The following PDIA3 variants were observed in gnomAD, a reference collection of about 807,000 sequenced individuals.
PDIA3 encodes protein disulfide isomerase family A member 3, also known as protein disulfide-isomerase A3.
Under a neutral mutation model 56.9 loss-of-function variants are expected in PDIA3, and 16 were observed. The observed-to-expected ratio is 0.28, with a 90% CI of 0.19 to 0.43. The LOEUF (loss-of-function observed/expected upper bound fraction) is 0.43, where lower values mean the gene tolerates loss of function less well. Ranked by LOEUF, PDIA3 falls within the 20% of genes least tolerant of loss-of-function variation. The pLI is 1.00. For synonymous variants in PDIA3, 192 were observed against 216.5 expected (o/e 0.89, Z 0.99); for missense variants, 485 against 621.3 (o/e 0.78, Z 2.33).
At chr15:43,770,608 A>G in intron 12 of PDIA3, 28 bp downstream of exon 12, 1 of 1,401,754 alleles carries the variant, frequency 7.1e-7, no homozygotes, top group Non-Finnish European at 1.0e-6. Flanking sequence ...TATCCCCACA[A>G]ATATATACAC....
At chr15:43,767,215 G>A (rs1208147560) in intron 8 of PDIA3, among the ~76,000 whole-genome samples, 1 of 151,924 alleles carries the variant, frequency 6.6e-6, no homozygotes, top group African/African-American at 2.4e-5. Flanking sequence ...AGCCAGGCAC[G>A]GTGGTGCATG....
chr15:43,769,734 C>T, intron 10 of PDIA3, 88 bp downstream of exon 10: 1 of 1,393,224 alleles, frequency 7.2e-7, no homozygotes, highest in Non-Finnish European at 9.9e-7. Context: ...TTGGTTGGTT[C>T]CTAAGTACTG....
In PDIA3 at chr15:43,771,325, A is replaced by G. The variant is rs1046216978; in HGVS notation, c.*107A>G. On this transcript the variant is annotated 3_prime_UTR_variant, in exon 13 of 13. Coordinates refer to ENST00000300289, the MANE Select transcript of PDIA3 (RefSeq NM_005313.5). ...GGAATTATTACCTCTCAGGGCCGAG[A>G]GGACAGAATGGATATAATCTGAATC... The G allele has an allele frequency of 3.0e-6, 2 of 668,286 alleles. No homozygotes were observed. The highest frequency in any genetic ancestry group is 5.2e-6 in the Non-Finnish European group (2 of 381,658). The allele number at this position is 668,286 out of a possible 1,614,324, so 41.4% of individuals were successfully genotyped here. A position where few individuals can be genotyped will look rare whatever the true frequency, so the allele number is the denominator to read the frequency against.
chr15:43,772,901 T>C lies in PDIA3; in HGVS notation c.*1683T>C, dbSNP rs2086889620. ...CAAGCCTCTGTCACTTTTCCTAGAC[T>C]CCTAGGCACAGCTATGGAGTCTTTG... On this transcript the variant is annotated 3_prime_UTR_variant, in exon 13 of 13. Transcript: ENST00000300289. 2.5e-6 allele frequency: 1 copy of C among 404,390 alleles called. No homozygotes were observed. Among genetic ancestry groups the C allele is most frequent in the South Asian group, 8.8e-5 (1 of 11,350 alleles). 25.1% of individuals were successfully genotyped at this position (404,390 alleles called of 1,614,324 possible).
chr15:43,753,589 C>T (rs1303662425), intron 1 of PDIA3, among the ~76,000 whole-genome samples: 2 of 152,174 alleles, frequency 1.3e-5, no homozygotes, highest in Non-Finnish European at 2.9e-5. Context: ...AATAGAGCTG[C>T]CCTGTGCTGA....
chr15:43,764,147 ATCC>A (rs1199163561), intron 5 of PDIA3, among the ~76,000 whole-genome samples: 3 of 152,318 alleles, frequency 2.0e-5, no homozygotes, highest in Admixed American at 6.5e-5. Flanking sequence ...AGTTATTTAT[ATCC>A]TCCTGCTCAA....
chr15:43,772,582 A>G lies in PDIA3; in HGVS notation c.*1364A>G, dbSNP rs2086887826. On this transcript the variant is annotated 3_prime_UTR_variant, in exon 13 of 13. Transcript: ENST00000300289. ...CATCTGCCTTGGAAGATTTAAGGGA[A>G]ACATATAAACTTGTACAAAGGACAC... 1 of 152,246 alleles carries G rather than the reference A, an allele frequency of 6.6e-6. No individual in the cohort carries two copies. Among genetic ancestry groups the G allele is most frequent in the South Asian group, 2.1e-4 (1 of 4,830 alleles). The allele number at this position is 152,246 out of a possible 1,614,324, so 9.4% of individuals were successfully genotyped here.
intron 3 of PDIA3, among the ~76,000 whole-genome samples, chr15:43,757,238 A>G (rs1377558178): frequency 2.0e-5 from 3 of 151,652 alleles, no homozygotes; most frequent in African/African-American, 4.8e-5. Context: ...CCTGGGCAAT[A>G]TAAGTTTGTC....
intron 1 of PDIA3, chr15:43,751,878 G>A: frequency 1.6e-6 from 1 of 642,940 alleles, no homozygotes; most frequent in South Asian, 1.7e-5. Context: ...CTCTTAAAAT[G>A]TTTGAAGATA....
At chr15:43,763,557 T>C (rs536244516) in intron 5 of PDIA3, among the ~76,000 whole-genome samples, 1 of 152,138 alleles carries the variant, frequency 6.6e-6, no homozygotes, top group African/African-American at 2.4e-5. Context: ...CCAGCTGAAT[T>C]GGTCATTTTT....
intron 1 of PDIA3, 140 bp from the exon 2 acceptor site, chr15:43,753,684 T>G: frequency 1.6e-6 from 1 of 630,118 alleles, no homozygotes; most frequent in Non-Finnish European, 2.9e-6. Context: ...TAATGAATGT[T>G]GTTCATGTGA....
intron 6 of PDIA3, 152 bp from the exon 7 acceptor site, chr15:43,765,735 T>C: frequency 1.1e-6 from 1 of 881,832 alleles, no homozygotes; most frequent in East Asian, 2.4e-5. Flanking sequence ...TTAGAACTCC[T>C]GTTGTCATCC....
rs142131986 is a variant in PDIA3 at position 43,769,857 on chromosome 15, C to G, written c.1266+211C>G. Among the ~76,000 whole-genome samples the G allele has an allele frequency of 5.6e-4, 85 of 152,320 alleles. 2 individuals are homozygous for G. In the South Asian group the frequency reaches 0.017, roughly 31 times the overall value. The stretch of plus-strand genomic sequence containing the variant: ...CACTTTTAACATTCCATTCCTCAGG[C>G]TCAATCTAGATAATGGTTAAAAATA... On this transcript the variant is annotated intron_variant, in intron 10 of 12. Coordinates refer to ENST00000300289, the MANE Select transcript of PDIA3 (RefSeq NM_005313.5).
chr15:43,767,346 C>G (rs1162367821), intron 8 of PDIA3, among the ~76,000 whole-genome samples: 4 of 151,990 alleles, frequency 2.6e-5, no homozygotes, highest in Non-Finnish European at 1.5e-5. Flanking sequence ...GAGCGAAACT[C>G]TGTCTCAAAA....
chr15:43,764,959 TTAA>T (rs2086838810), intron 5 of PDIA3, among the ~76,000 whole-genome samples: 1 of 152,226 alleles, frequency 6.6e-6, no homozygotes, highest in Non-Finnish European at 1.5e-5. Flanking sequence ...ATTATTGCAC[TTAA>T]GATTAAGGTG....
intron 3 of PDIA3, among the ~76,000 whole-genome samples, chr15:43,758,328 A>G (rs1286796779): frequency 6.6e-6 from 1 of 152,140 alleles, no homozygotes; most frequent in Non-Finnish European, 1.5e-5. Flanking sequence ...AAATGGGACA[A>G]CCACTATGGA....
chr15:43,770,241 T>G lies in PDIA3; in HGVS notation c.1267-9T>G. The G allele has an allele frequency of 1.2e-6, 2 of 1,610,462 alleles. No individual in the cohort carries two copies. The highest frequency in any genetic ancestry group is 1.7e-6 in the Non-Finnish European group (2 of 1,176,680). On this transcript the variant is annotated splice_polypyrimidine_tract_variant and intron_variant, in intron 10 of 12. Transcript: ENST00000300289. ...TGAAATGTAAACATTTAACCTGTTT[T>G]ATTAACAGCTCAGCAAAGACCCAAA...
intron 1 of PDIA3, among the ~76,000 whole-genome samples, chr15:43,748,601 G>A (rs533602515): frequency 6.6e-6 from 1 of 152,190 alleles, no homozygotes; most frequent in Non-Finnish European, 1.5e-5. Context: ...GAATTGGGTG[G>A]ATCTCTGCTG....
intron 1 of PDIA3, among the ~76,000 whole-genome samples, chr15:43,751,272 A>G (rs1012539791): frequency 1.3e-5 from 2 of 149,954 alleles, no homozygotes; most frequent in African/African-American, 4.9e-5. Flanking sequence ...CTGCCTCTCT[A>G]TTGGCATCTA....
Sources: allele counts gnomAD v4.1 joint callset (sites outside exome capture counted in the v4.1 genomes callset), GRCh38; gene constraint gnomAD v4.1.1; transcripts MANE v1.5; gene names NCBI Gene and HGNC (gene_info 2026-07-23, HGNC 2026-07-21).